The following NTM variants were observed in gnomAD, a reference collection of about 807,000 sequenced individuals.
NTM encodes neurotrimin.
In NTM, 13 loss-of-function variants were observed where a neutral mutation model predicts 42.1. That is an observed-to-expected ratio of 0.31 (90% confidence interval 0.20 to 0.49). The LOEUF (loss-of-function observed/expected upper bound fraction) is 0.49. NTM is among the 20% of genes least tolerant of loss of function. The pLI is 0.99. For synonymous variants in NTM, 187 were observed against 179.2 expected, an observed-to-expected ratio of 1.04 and a Z score of -0.35; for missense variants, 373 against 452.8, an observed-to-expected ratio of 0.82 and a Z score of 1.60.
intron 1 of NTM, among the ~76,000 whole-genome samples, chr11:131,576,289 C>A (rs2057926258): frequency 6.6e-6 from 1 of 152,174 alleles, no homozygotes; most frequent in Non-Finnish European, 1.5e-5. Flanking sequence ...GAGGAAACAG[C>A]AGGATGTGGA....
chr11:131,950,111 A>G (rs933568074), intron 2 of NTM, among the ~76,000 whole-genome samples: 1 of 152,168 alleles, frequency 6.6e-6, no homozygotes, highest in Non-Finnish European at 1.5e-5. Flanking sequence ...ACCACATCCC[A>G]GTAGTGGTAC....
At chr11:132,111,936 G>T (rs938160649) in intron 2 of NTM, among the ~76,000 whole-genome samples, 50 of 152,248 alleles carry the variant, frequency 3.3e-4, no homozygotes, top group African/African-American at 1.2e-3. Flanking sequence ...TTTGATTCTC[G>T]CATAGGCGTT....
chr11:132,102,155 T>C (rs1044261517), intron 2 of NTM, among the ~76,000 whole-genome samples: 4 of 152,254 alleles, frequency 2.6e-5, no homozygotes, highest in Non-Finnish European at 5.9e-5. Context: ...ATTCAGATGG[T>C]ATCCCTTTCA....
At chr11:131,377,275 G>T (rs979507998) in intron 1 of NTM, among the ~76,000 whole-genome samples, 22 of 152,156 alleles carry the variant, frequency 1.4e-4, no homozygotes, top group Non-Finnish European at 1.5e-5. Flanking sequence ...ATAGGATGGG[G>T]AATGCTGCTG....
intron 2 of NTM, among the ~76,000 whole-genome samples, chr11:132,134,749 A>ATCTATATC (rs1289812194): frequency 3.7e-5 from 4 of 106,938 alleles, no homozygotes; most frequent in Non-Finnish European, 7.7e-5. Flanking sequence ...ATATATATAT[A>ATCTATATC]TATATATATA....
chr11:131,568,944 C>T (rs1000900777), intron 1 of NTM, among the ~76,000 whole-genome samples: 1 of 152,134 alleles, frequency 6.6e-6, no homozygotes, highest in African/African-American at 2.4e-5. Context: ...TATCATTCAC[C>T]TGTTTGAAGT....
chr11:131,773,530 A>C (rs2086481978), intron 1 of NTM, among the ~76,000 whole-genome samples: 1 of 152,170 alleles, frequency 6.6e-6, no homozygotes, highest in South Asian at 2.1e-4. Context: ...AATGGCCCCC[A>C]TATATGTTGT....
chr11:132,326,272 C>T (rs1423106517), intron 7 of NTM, among the ~76,000 whole-genome samples: 4 of 151,956 alleles, frequency 2.6e-5, no homozygotes, highest in Admixed American at 6.6e-5. Context: ...TTCAGAAGGA[C>T]CGAGCTAGTT....
chr11:132,055,681 GAC>G (rs1261405851), intron 2 of NTM, among the ~76,000 whole-genome samples: 2 of 85,772 alleles, frequency 2.3e-5, no homozygotes, highest in Admixed American at 1.0e-4. Flanking sequence ...GAGAGAGAGA[GAC>G]AGAGAGAGAG....
intron 2 of NTM, among the ~76,000 whole-genome samples, chr11:131,927,631 A>C (rs2134044723): frequency 6.6e-6 from 1 of 152,316 alleles, no homozygotes; most frequent in Middle Eastern, 3.4e-3. Flanking sequence ...CAGACTTTCA[A>C]AATACTATTC....
intron 1 of NTM, among the ~76,000 whole-genome samples, chr11:131,509,641 C>T (rs189459794): frequency 2.6e-4 from 39 of 152,284 alleles, no homozygotes; most frequent in Admixed American, 1.5e-3. Flanking sequence ...TATCTCCATA[C>T]GTTAAAAATC....
chr11:131,384,651 C>A (rs1030140899), intron 1 of NTM, among the ~76,000 whole-genome samples: 1 of 151,938 alleles, frequency 6.6e-6, no homozygotes, highest in East Asian at 1.9e-4. Context: ...CCAGGTGAGG[C>A]CCTCAGGGAA....
intron 2 of NTM, among the ~76,000 whole-genome samples, chr11:132,066,850 T>C (rs954514022): frequency 5.9e-5 from 9 of 152,150 alleles, no homozygotes; most frequent in African/African-American, 2.2e-4. Flanking sequence ...CTTAACTTAA[T>C]TGCATCTGTA....
chr11:132,175,257 G>T (rs1007733223), intron 3 of NTM, among the ~76,000 whole-genome samples: 10 of 152,052 alleles, frequency 6.6e-5, no homozygotes, highest in Non-Finnish European at 1.5e-4. Flanking sequence ...TCTCAGTTCT[G>T]CAGTGGTCGT....
In NTM at chr11:131,983,437, G is replaced by A. The variant is rs540188130; in HGVS notation, c.167+71789G>A. On this transcript the variant is annotated intron_variant, in intron 2 of 8. Transcript: ENST00000683400. ...GTCTCCTAGGCCAGAGTGCAGTGGT[G>A]TGATCTTGGCTCACTGCAACCTCTG... is the stretch of plus-strand genomic sequence containing the variant. Among the ~76,000 whole-genome samples, 414 of 142,016 alleles carry A rather than the reference G, an allele frequency of 2.9e-3. 1 individual carries two copies. Among genetic ancestry groups the A allele is most frequent in the African/African-American group, 0.01 (397 of 37,964 alleles). The allele number at this position is 142,016 out of a possible 152,430, so 93.2% of individuals were successfully genotyped here.
At chr11:131,561,051 T>C (rs1456843180) in intron 1 of NTM, among the ~76,000 whole-genome samples, 1 of 152,192 alleles carries the variant, frequency 6.6e-6, no homozygotes, top group African/African-American at 2.4e-5. Context: ...CCTTCCTAGT[T>C]CTGTGTTGCA....
intron 1 of NTM, among the ~76,000 whole-genome samples, chr11:131,541,986 T>C (rs1565619580): frequency 6.6e-6 from 1 of 152,216 alleles, no homozygotes; most frequent in Non-Finnish European, 1.5e-5. Flanking sequence ...AGTATATGTG[T>C]AATAGAAGTG....
chr11:131,734,447 C>T (rs1346341173), intron 1 of NTM, among the ~76,000 whole-genome samples: 1 of 152,156 alleles, frequency 6.6e-6, no homozygotes, highest in Non-Finnish European at 1.5e-5. Flanking sequence ...TCCCTACCCC[C>T]ATCCTTTTAA....
intron 4 of NTM, among the ~76,000 whole-genome samples, chr11:132,234,297 T>C (rs1171004853): frequency 6.6e-6 from 1 of 152,186 alleles, no homozygotes; most frequent in Non-Finnish European, 1.5e-5. Context: ...TCGCTAGTAC[T>C]GCCTTAGAGA....
Sources: allele counts gnomAD v4.1 joint callset (sites outside exome capture counted in the v4.1 genomes callset), GRCh38; gene constraint gnomAD v4.1.1; transcripts MANE v1.5; gene names NCBI Gene and HGNC (gene_info 2026-07-23, HGNC 2026-07-21).